TENM3: variants seen among roughly 807,000 people sequenced by gnomAD.
The protein encoded by TENM3 is teneurin-3.
Under a neutral mutation model 255.1 loss-of-function variants are expected in TENM3, and 63 were observed. That is an observed-to-expected ratio of 0.25 (90% confidence interval 0.20 to 0.30). The LOEUF (loss-of-function observed/expected upper bound fraction) is 0.30. Among genes scored for constraint, TENM3 ranks in the 10% least tolerant of loss-of-function variants. The pLI is 1.00. For missense variants in TENM3, 2,929 were observed against 3,461.1 expected (o/e 0.85, Z 3.86); for synonymous variants, 1,306 against 1,322.3 (o/e 0.99, Z 0.27).
At chr4:181,625,813 C>CAA in the TENM3 span, among the ~76,000 whole-genome samples, 1,714 of 144,642 alleles carry the variant, frequency 0.012, 35 homozygotes, top group African/African-American at 0.041. Context: ...GACTCTGTCT[C>CAA]AAAAAAAAAT....
chr4:182,784,927 C>T (rs6839685), intron 24 of TENM3, among the ~76,000 whole-genome samples: 14,269 of 152,080 alleles, frequency 0.094, 891 homozygotes, highest in Non-Finnish European at 0.14. Context: ...GCACGGTGCG[C>T]GCACCCACTG....
At chr4:182,424,214 A>G in intron 3 of TENM3, among the ~76,000 whole-genome samples, 1 of 152,202 alleles carries the variant, frequency 6.6e-6, no homozygotes, top group Non-Finnish European at 1.5e-5. Context: ...AAAATTTAAA[A>G]CACATACACA....
chr4:182,375,919 T>C (rs1391399110), intron 3 of TENM3, among the ~76,000 whole-genome samples: 2 of 152,290 alleles, frequency 1.3e-5, no homozygotes, highest in East Asian at 1.9e-4. Context: ...TTCCATGACA[T>C]AGTGTTTTAA....
intron 1 of TENM3, among the ~76,000 whole-genome samples, chr4:182,321,742 G>A (rs1326315234): frequency 6.6e-6 from 1 of 151,974 alleles, no homozygotes; most frequent in African/African-American, 2.4e-5. Flanking sequence ...TCAGGAGATG[G>A]AGGCCATCCT....
At chr4:181,698,095 T>C in the TENM3 span, among the ~76,000 whole-genome samples, 5 of 151,424 alleles carry the variant, frequency 3.3e-5, no homozygotes, top group Non-Finnish European at 7.4e-5. Flanking sequence ...GCGCTTGTAG[T>C]CCCAGCTACT....
At chr4:182,648,306 C>T (rs1752933918) in intron 5 of TENM3, among the ~76,000 whole-genome samples, 3 of 138,918 alleles carry the variant, frequency 2.2e-5, no homozygotes, top group East Asian at 4.5e-4. Context: ...TTTTTTGAAA[C>T]AGAGTCTCAT....
intron 13 of TENM3, among the ~76,000 whole-genome samples, chr4:182,727,649 C>G (rs1265838978): frequency 6.6e-6 from 1 of 152,044 alleles, no homozygotes; most frequent in East Asian, 1.9e-4. Context: ...CTGGCAAATT[C>G]TTCTCATCCA....
the TENM3 span, among the ~76,000 whole-genome samples, chr4:182,100,918 C>T: frequency 7.2e-6 from 1 of 138,232 alleles, no homozygotes; most frequent in South Asian, 2.3e-4. Context: ...GTGGTGCACA[C>T]CTGTAGTCCC....
chr4:181,660,288 G>C, the TENM3 span, among the ~76,000 whole-genome samples: 1 of 152,008 alleles, frequency 6.6e-6, no homozygotes, highest in African/African-American at 2.4e-5. Context: ...CTGTTGTTCT[G>C]TTTATTGTGC....
intron 4 of TENM3, among the ~76,000 whole-genome samples, chr4:182,617,349 G>A (rs982111790): frequency 5.9e-5 from 9 of 152,210 alleles, no homozygotes; most frequent in East Asian, 1.9e-4. Flanking sequence ...TAGGCAAACC[G>A]TCCATTGTCT....
At chr4:182,751,692 A>T (rs778025745) in intron 19 of TENM3, 108 bp from the exon 20 acceptor site, 10 of 762,874 alleles carry the variant, frequency 1.3e-5, no homozygotes, top group Non-Finnish European at 2.3e-5. Context: ...TTGATCATGG[A>T]TTCCAGACTA....
the TENM3 span, among the ~76,000 whole-genome samples, chr4:181,767,068 A>T: frequency 5.5e-3 from 688 of 125,172 alleles, 17 homozygotes; most frequent in Middle Eastern, 0.025. Flanking sequence ...CTGGCTAACA[A>T]GGGGAAATCC....
chr4:181,727,050 G>A, the TENM3 span, among the ~76,000 whole-genome samples: 1 of 152,192 alleles, frequency 6.6e-6, no homozygotes, highest in Non-Finnish European at 1.5e-5. Flanking sequence ...CGTGTGTTCA[G>A]CTATCCAGAA....
chr4:182,007,324 G>A, the TENM3 span, among the ~76,000 whole-genome samples: 1 of 152,110 alleles, frequency 6.6e-6, no homozygotes, highest in East Asian at 1.9e-4. Context: ...ACAGTGGGGT[G>A]TTAAAGTCTC....
intron 3 of TENM3, among the ~76,000 whole-genome samples, chr4:182,592,533 G>A (rs1476370186): frequency 1.3e-5 from 2 of 152,138 alleles, no homozygotes. Context: ...AGACCAACCA[G>A]GCCAGCATGG....
At chr4:182,323,395 A>G (rs1580156577) in intron 1 of TENM3, among the ~76,000 whole-genome samples, 1 of 150,806 alleles carries the variant, frequency 6.6e-6, no homozygotes, top group East Asian at 1.9e-4. Context: ...GTGCCCTCTG[A>G]AGAAAGAGTC....
the TENM3 span, among the ~76,000 whole-genome samples, chr4:181,534,287 A>G: frequency 6.6e-6 from 1 of 151,972 alleles, no homozygotes; most frequent in Non-Finnish European, 1.5e-5. Flanking sequence ...TATAAGGAAG[A>G]TTTTTCTAAA....
intron 1 of TENM3, among the ~76,000 whole-genome samples, chr4:182,217,499 A>G (rs184970552): frequency 6.6e-5 from 10 of 152,330 alleles, no homozygotes; most frequent in African/African-American, 2.4e-4. Context: ...GCCTGTGGTA[A>G]CAATAACTGA....
chr4:182,039,346 C>A, the TENM3 span, among the ~76,000 whole-genome samples: 1 of 152,178 alleles, frequency 6.6e-6, no homozygotes, highest in Non-Finnish European at 1.5e-5. Context: ...CAGGATGTCG[C>A]ATCTGTTCTC....
Sources: allele counts gnomAD v4.1 joint callset (sites outside exome capture counted in the v4.1 genomes callset), GRCh38; gene constraint gnomAD v4.1.1; transcripts MANE v1.5; gene names NCBI Gene and HGNC (gene_info 2026-07-23, HGNC 2026-07-21).